CLSTN2: variants seen among roughly 807,000 people sequenced by gnomAD.
CLSTN2 encodes calsyntenin-2.
Under a neutral mutation model 101.2 loss-of-function variants are expected in CLSTN2, and 48 were observed. That is an observed-to-expected ratio of 0.47 (90% CI 0.38 to 0.60). The LOEUF is 0.60. CLSTN2 is among the 20% of genes least tolerant of loss of function. The pLI, the probability that CLSTN2 is intolerant of heterozygous loss-of-function variation, is 0.00. For synonymous variants in CLSTN2, 481 were observed against 463.6 expected, an observed-to-expected ratio of 1.04 and a Z score of -0.48; for missense variants, 1,160 against 1,238.2, an observed-to-expected ratio of 0.94 and a Z score of 0.95.
chr3:139,969,781 A>C (rs1026369541), intron 1 of CLSTN2, among the ~76,000 whole-genome samples: 5 of 152,150 alleles, frequency 3.3e-5, no homozygotes, highest in African/African-American at 1.2e-4. Context: ...GAGACTCTCC[A>C]AAAGCAACCA....
intron 2 of CLSTN2, among the ~76,000 whole-genome samples, chr3:140,240,503 G>A (rs2086457852): frequency 6.6e-6 from 1 of 151,848 alleles, no homozygotes; most frequent in Non-Finnish European, 1.5e-5. Flanking sequence ...CCTTCCCTGA[G>A]GCTCATTTAC....
chr3:140,098,394 T>G (rs1028168386), intron 1 of CLSTN2, among the ~76,000 whole-genome samples: 1 of 152,192 alleles, frequency 6.6e-6, no homozygotes, highest in Admixed American at 6.5e-5. Context: ...TCACAAGTAC[T>G]TGGCTACTAA....
intron 8 of CLSTN2, among the ~76,000 whole-genome samples, chr3:140,492,267 G>T (rs1406288525): frequency 6.6e-6 from 1 of 152,104 alleles, no homozygotes; most frequent in Non-Finnish European, 1.5e-5. Flanking sequence ...AAAACTATTT[G>T]GCAATATCTG....
At chr3:140,301,812 A>G (rs1470617751) in intron 2 of CLSTN2, among the ~76,000 whole-genome samples, 1 of 151,826 alleles carries the variant, frequency 6.6e-6, no homozygotes. Flanking sequence ...GCCCATCCCT[A>G]CCTCCTGCCC....
chr3:140,438,957 C>T (rs762722153), intron 5 of CLSTN2, among the ~76,000 whole-genome samples: 7 of 152,124 alleles, frequency 4.6e-5, no homozygotes, highest in Non-Finnish European at 1.0e-4. Context: ...CTGAACACCA[C>T]ATAGTTCTCT....
At chr3:140,361,464 A>G (rs2087729220) in intron 2 of CLSTN2, among the ~76,000 whole-genome samples, 1 of 152,302 alleles carries the variant, frequency 6.6e-6, no homozygotes, top group African/African-American at 2.4e-5. Context: ...TCAACACTAA[A>G]CTAGTGATCC....
chr3:140,372,181 A>G (rs1315399927), intron 2 of CLSTN2, among the ~76,000 whole-genome samples: 4 of 152,290 alleles, frequency 2.6e-5, no homozygotes, highest in African/African-American at 7.2e-5. Context: ...TCCTCGTAGT[A>G]TCCGGGATGA....
At chr3:140,316,718 C>T (rs895455726) in intron 2 of CLSTN2, among the ~76,000 whole-genome samples, 1 of 152,134 alleles carries the variant, frequency 6.6e-6, no homozygotes, top group Admixed American at 6.6e-5. Flanking sequence ...TCACACATTT[C>T]CCACAGTGGG....
chr3:140,402,413 T>A (rs896708460), intron 2 of CLSTN2, among the ~76,000 whole-genome samples: 2 of 152,186 alleles, frequency 1.3e-5, no homozygotes, highest in African/African-American at 4.8e-5. Flanking sequence ...TTTTTAAAAA[T>A]TGGAATAAAT....
chr3:140,413,404 A>T lies in CLSTN2; in HGVS notation c.638-7721A>T, dbSNP rs150888851. The stretch of plus-strand genomic sequence containing the variant: ...GTAGGAAGACTGAATTCATAATAAT[A>T]GTTTTTTTAAATATCCCATCAAAGA... On this transcript the variant is annotated intron_variant, in intron 4 of 16. Coordinates refer to ENST00000458420, the MANE Select transcript of CLSTN2 (RefSeq NM_022131.3). Among the ~76,000 whole-genome samples, 94 of 152,292 alleles carry T rather than the reference A, an allele frequency of 6.2e-4. No homozygotes were observed. In the East Asian group the frequency reaches 0.017, roughly 28 times the overall value.
chr3:140,081,062 A>G (rs2008590039), intron 1 of CLSTN2, among the ~76,000 whole-genome samples: 1 of 152,216 alleles, frequency 6.6e-6, no homozygotes, highest in Non-Finnish European at 1.5e-5. Flanking sequence ...GTCTTTGTGG[A>G]AAATGGGCCT....
intron 5 of CLSTN2, among the ~76,000 whole-genome samples, chr3:140,436,666 G>A (rs943643973): frequency 2.6e-5 from 4 of 152,238 alleles, no homozygotes; most frequent in African/African-American, 9.6e-5. Context: ...GGCATGGACA[G>A]TGGGGCCCCG....
intron 2 of CLSTN2, among the ~76,000 whole-genome samples, chr3:140,374,053 G>T (rs2087888915): frequency 6.6e-6 from 1 of 152,156 alleles, no homozygotes; most frequent in African/African-American, 2.4e-5. Context: ...GTCCCATGTT[G>T]TTTGTTCTTT....
At chr3:140,453,996 A>G (rs1933319548) in intron 6 of CLSTN2, among the ~76,000 whole-genome samples, 1 of 152,222 alleles carries the variant, frequency 6.6e-6, no homozygotes, top group Non-Finnish European at 1.5e-5. Flanking sequence ...GCTTCCCAGC[A>G]TGACAGTGTC....
At chr3:140,293,056 G>A (rs2107904695) in intron 2 of CLSTN2, among the ~76,000 whole-genome samples, 1 of 152,338 alleles carries the variant, frequency 6.6e-6, no homozygotes, top group East Asian at 1.9e-4. Flanking sequence ...GAGAAGCCTA[G>A]CAAAGAGGAC....
intron 1 of CLSTN2, among the ~76,000 whole-genome samples, chr3:139,936,023 G>T (rs776197843): frequency 1.6e-4 from 25 of 151,768 alleles, no homozygotes; most frequent in Non-Finnish European, 3.1e-4. Flanking sequence ...TGTACCCTCC[G>T]GGTAGGCGGC....
chr3:140,445,511 T>C (rs564234282), intron 5 of CLSTN2, among the ~76,000 whole-genome samples: 11 of 152,180 alleles, frequency 7.2e-5, no homozygotes, highest in African/African-American at 2.6e-4. Flanking sequence ...TGCCGCAGGG[T>C]GCACACCAAG....
Position 140,187,145 on chromosome 3 carries a change from C to T in CLSTN2, c.232+11072C>T, listed in dbSNP as rs143871133. ...TAACACTGCAGCCTGCCCTCTGCCA[C>T]TCCTTGGGCCATTCCTCTTGGCTGC... On this transcript the variant is annotated intron_variant, in intron 2 of 16. Coordinates refer to ENST00000458420, the MANE Select transcript of CLSTN2 (RefSeq NM_022131.3). Among the ~76,000 whole-genome samples the T allele has an allele frequency of 6.4e-4, 97 of 152,280 alleles. No individual in the cohort carries two copies. The East Asian group carries it at 0.016, about 25-fold the overall frequency.
chr3:140,134,157 G>A (rs552269076), intron 1 of CLSTN2, among the ~76,000 whole-genome samples: 1 of 152,114 alleles, frequency 6.6e-6, no homozygotes, highest in Non-Finnish European at 1.5e-5. Context: ...CAATTCCATC[G>A]TTTACTTGTG....
Sources: allele counts gnomAD v4.1 joint callset (sites outside exome capture counted in the v4.1 genomes callset), GRCh38; gene constraint gnomAD v4.1.1; transcripts MANE v1.5; gene names NCBI Gene and HGNC (gene_info 2026-07-23, HGNC 2026-07-21).